GMEB2: variants seen among roughly 807,000 people sequenced by gnomAD.
GMEB2 encodes the protein glucocorticoid modulatory element binding protein 2.
GMEB2 carries 7 observed loss-of-function variants against 45.7 expected under a neutral mutation model. The ratio of observed to expected loss-of-function variants is 0.15; its 90% CI spans 0.09 to 0.29. GMEB2 has a LOEUF of 0.29. Among genes scored for constraint, GMEB2 ranks in the 10% least tolerant of loss-of-function variants. The pLI is 1.00. For missense variants in GMEB2, 582 were observed against 739.2 expected, an observed-to-expected ratio of 0.79 and a Z score of 2.47; for synonymous variants, 322 against 323.6, an observed-to-expected ratio of 1.00 and a Z score of 0.05.
At chr20:63,598,687 C>T (rs1181447802) in intron 4 of GMEB2, among the ~76,000 whole-genome samples, 3 of 152,180 alleles carry the variant, frequency 2.0e-5, no homozygotes, top group African/African-American at 4.8e-5. Context: ...GACCCCTGTG[C>T]CACAGACGGG....
intron 4 of GMEB2, among the ~76,000 whole-genome samples, chr20:63,598,224 T>C (rs1601010773): frequency 6.6e-6 from 1 of 152,188 alleles, no homozygotes; most frequent in Non-Finnish European, 1.5e-5. Flanking sequence ...TTGCATACGT[T>C]ACATCGCAGA....
At chr20:63,618,382 G>C (rs937796587) in intron 2 of GMEB2, among the ~76,000 whole-genome samples, 8 of 152,134 alleles carry the variant, frequency 5.3e-5, no homozygotes, top group Admixed American at 2.0e-4. Context: ...ATGCAGGAGG[G>C]AGGTCAAAGC....
Position 63,589,170 on chromosome 20 carries a change from C to T in GMEB2, c.*919G>A, listed in dbSNP as rs2083120267. On this transcript the variant is annotated 3_prime_UTR_variant, in exon 10 of 10. Transcript: ENST00000370077. ...TTCTGTTTATGCCTCTGCCCCAGGA[C>T]TGAAGCCCTAGGGACACACCTCATG... 1 of 399,222 alleles carries T rather than the reference C, an allele frequency of 2.5e-6. No homozygotes were observed. Among genetic ancestry groups the T allele is most frequent in the East Asian group, 3.5e-5 (1 of 28,198 alleles). The allele number at this position is 399,222 out of a possible 1,614,324, so 24.7% of individuals were successfully genotyped here.
chr20:63,626,911 G>A (rs908004801), intron 1 of GMEB2, 45 bp downstream of exon 1: 1 of 146,588 alleles, frequency 6.8e-6, no homozygotes, highest in Non-Finnish European at 1.5e-5. Flanking sequence ...AGCGGAGCGA[G>A]AGGCCTCGCC....
rs558178945 is a variant in GMEB2, at chr20:63,595,817, G to A, written c.462-50C>T. 5.0e-5 allele frequency: 79 copies of A among 1,582,640 alleles called. No homozygotes were observed. In the South Asian group the frequency reaches 8.2e-4, roughly 16 times the overall value. On this transcript the variant is annotated intron_variant, in intron 5 of 9. Transcript: ENST00000370077. ...GTCCAGGTCGGCCCCAGAGCCGAAG[G>A]CACCTGGCCCGCCCACCCTGACCTG...
chr20:63,617,764 G>A (rs1304437359), intron 2 of GMEB2, among the ~76,000 whole-genome samples: 1 of 152,034 alleles, frequency 6.6e-6, no homozygotes, highest in Non-Finnish European at 1.5e-5. Context: ...CGGCAGCCGC[G>A]GCCACGGTGT....
rs143808426 is a variant in GMEB2, at chr20:63,589,462, G to A, written c.*627C>T. The A allele has an allele frequency of 5.8e-5, 19 of 328,124 alleles. No homozygotes were observed. The East Asian group carries it at 7.4e-4, about 13-fold the overall frequency. 20.3% of individuals were successfully genotyped at this position (328,124 alleles called of 1,614,324 possible). A position where few individuals can be genotyped will look rare whatever the true frequency, so the allele number is the denominator to read the frequency against. On this transcript the variant is annotated 3_prime_UTR_variant, in exon 10 of 10. Transcript: ENST00000370077. ...GCGGCCCCTGGGCCACCTGAGCACC[G>A]GCTGGGGGCGGGGGAGGCAGGCACC...
intron 3 of GMEB2, 55 bp from the exon 4 acceptor site, chr20:63,603,147 T>A: frequency 6.4e-7 from 1 of 1,560,570 alleles, no homozygotes; most frequent in Non-Finnish European, 8.7e-7. Context: ...AGTTACAACC[T>A]CTTCAAAGCA....
Position 63,619,219 on chromosome 20 carries a change from C to A in GMEB2, c.131+48G>T. 6.6e-7 allele frequency: 1 copy of A among 1,520,428 alleles called. No homozygotes were observed. The highest frequency in any genetic ancestry group is 8.8e-7 in the Non-Finnish European group (1 of 1,134,332). 94.2% of individuals were successfully genotyped at this position (1,520,428 alleles called of 1,614,324 possible). On this transcript the variant is annotated intron_variant, in intron 2 of 9. Transcript: ENST00000370077. The surrounding 1 kb of genome is among the most constrained non-coding windows in gnomAD (Gnocchi z 4.6). ...TAATGCCAGCTGTGCCAAGGACAGC[C>A]CAACCCAAGCCCCCATCAGCCCCAA...
At chr20:63,615,472 G>A (rs1404164558) in intron 2 of GMEB2, among the ~76,000 whole-genome samples, 4 of 151,824 alleles carry the variant, frequency 2.6e-5, no homozygotes, top group Non-Finnish European at 5.9e-5. Context: ...GACCATAGGT[G>A]CATGCCACCA....
At chr20:63,616,615 A>T (rs1275528056) in intron 2 of GMEB2, among the ~76,000 whole-genome samples, 1 of 152,196 alleles carries the variant, frequency 6.6e-6, no homozygotes, top group East Asian at 1.9e-4. Flanking sequence ...GGCCGTGGGG[A>T]GATGACTGAT....
intron 1 of GMEB2, among the ~76,000 whole-genome samples, chr20:63,621,483 C>T (rs9679894): frequency 0.48 from 73,551 of 151,700 alleles, 19,279 homozygotes; most frequent in Middle Eastern, 0.64. Flanking sequence ...CTGGCCAACA[C>T]AGTGAAATCC....
At chr20:63,603,669 G>C (rs976867633) in intron 3 of GMEB2, among the ~76,000 whole-genome samples, 1 of 151,840 alleles carries the variant, frequency 6.6e-6, no homozygotes, top group Non-Finnish European at 1.5e-5. Flanking sequence ...ATGAACCCGG[G>C]AGGTGGAGGT....
rs979472755 is a variant in GMEB2 at position 63,589,319 on chromosome 20, C to T, written c.*770G>A. On this transcript the variant is annotated 3_prime_UTR_variant, in exon 10 of 10. Coordinates refer to ENST00000370077, the MANE Select transcript of GMEB2 (RefSeq NM_012384.5). ...AGCTAACTCGGGAAGCCTAGGCACT[C>T]ACCATTATTTTGGTTGAAAATGCTA... 1.5e-5 allele frequency: 6 copies of T among 398,220 alleles called. No homozygotes were observed. The highest frequency in any genetic ancestry group is 2.7e-5 in the Non-Finnish European group (6 of 226,072). The allele number at this position is 398,220 out of a possible 1,614,324, so 24.7% of individuals were successfully genotyped here.
Position 63,619,386 on chromosome 20 carries a change from G to C in GMEB2, c.12C>G (p.Pro4=). ...CCTCCTCCATGTGCACACTCACGTCGGGAGTCGCCATGGCTCAGCGGAAGG... is the reference window on the plus strand; with the variant it reads ...CCTCCTCCATGTGCACACTCACGTCCGGAGTCGCCATGGCTCAGCGGAAGG... The part of the protein sequence containing the change: MAT[P]DVSVHMEEVV... Residue 4 remains proline (P), a synonymous_variant, in exon 2 of 10, where the codon CCC becomes CCG. Coordinates refer to ENST00000370077, the MANE Select transcript of GMEB2 (RefSeq NM_012384.5). The surrounding 1 kb of genome is among the most constrained non-coding windows in gnomAD (Gnocchi z 4.6). 1 of 1,611,452 alleles carries C rather than the reference G, an allele frequency of 6.2e-7. No individual in the cohort carries two copies. Among genetic ancestry groups the C allele is most frequent in the South Asian group, 1.1e-5 (1 of 91,060 alleles).
rs757572480 is a variant in GMEB2, at chr20:63,592,033, C to T, written c.941G>A (p.Arg314Gln). Residue 314 changes from arginine (R) to glutamine (Q), a missense_variant, in exon 9 of 10, where the codon CGG becomes CAG. Arg to Gln is a conservative substitution (Grantham distance 43). Transcript: ENST00000370077. The surrounding 1 kb of genome is among the most constrained non-coding windows in gnomAD (Gnocchi z 8.2). ...TGGTCTCAGCATACCTGCCAGGTCCCGGGCGTACTGCTCCCGCGAGCGGTC... is the reference window on the plus strand; with the variant it reads ...TGGTCTCAGCATACCTGCCAGGTCCTGGGCGTACTGCTCCCGCGAGCGGTC... The part of the protein sequence containing the change: ...QMDRSREQYA[R>Q]DLAALEQQCD... 8.1e-6 allele frequency: 13 copies of T among 1,611,366 alleles called. No individual in the cohort carries two copies. Among genetic ancestry groups the T allele is most frequent in the Non-Finnish European group, 8.5e-6 (10 of 1,179,742 alleles).
At chr20:63,605,581 G>A (rs2089512508) in intron 2 of GMEB2, among the ~76,000 whole-genome samples, 1 of 151,584 alleles carries the variant, frequency 6.6e-6, no homozygotes, top group Non-Finnish European at 1.5e-5. Context: ...AGCACTGATG[G>A]GGACAAGCTG....
chr20:63,590,174 A>C lies in GMEB2; in HGVS notation c.1508T>G (p.Val503Gly). Residue 503 changes from valine (V) to glycine (G), a missense_variant, in exon 10 of 10, where the codon GTG (valine) becomes GGG (glycine). Coordinates refer to ENST00000370077, the MANE Select transcript of GMEB2 (RefSeq NM_012384.5). ...AGGCCCGGGGGCAGCCCCTGCGGGC[A>C]CTGTCACAATTGTGCTGGAGCCAGG... The part of the protein sequence containing the change: ...ASPGSSTIVT[V>G]PAGAAPGPEE... The C allele has an allele frequency of 6.3e-7, 1 of 1,595,388 alleles. No individual in the cohort carries two copies. Among genetic ancestry groups the C allele is most frequent in the Non-Finnish European group, 8.6e-7 (1 of 1,168,612 alleles).
chr20:63,626,511 C>A (rs2089674202), intron 1 of GMEB2, among the ~76,000 whole-genome samples: 1 of 144,136 alleles, frequency 6.9e-6, no homozygotes, highest in African/African-American at 2.6e-5. Context: ...TGGGGTGGTC[C>A]CTGTGGGTCG....
Sources: gnomAD v4.1 joint callset for allele counts (sites outside exome capture counted in the v4.1 genomes callset) on GRCh38, gnomAD v4.1.1 for gene constraint, Gnocchi (gnomAD v3.1) non-coding constraint, MANE v1.5 for transcripts, NCBI Gene and HGNC (gene_info 2026-07-23, HGNC 2026-07-21) for gene names.